SLC35D4: variants seen among roughly 807,000 people sequenced by gnomAD.
SLC35D4 encodes UDP-N-acetylglucosamine transporter SLC35D4.
At chr18:23,286,421 C>T in the SLC35D4 span, among the ~76,000 whole-genome samples, 2 of 152,244 alleles carry the variant, frequency 1.3e-5, no homozygotes, top group Admixed American at 6.5e-5. Flanking sequence ...GGATGGAAAT[C>T]GGACTCTTCA....
At chr18:23,323,204 T>C in the SLC35D4 span, among the ~76,000 whole-genome samples, 2 of 152,238 alleles carry the variant, frequency 1.3e-5, no homozygotes, top group Non-Finnish European at 2.9e-5. Context: ...AGCACCATAA[T>C]TATGCTTACT....
At chr18:23,246,586 T>C in the SLC35D4 span, among the ~76,000 whole-genome samples, 1 of 151,250 alleles carries the variant, frequency 6.6e-6, no homozygotes, top group Non-Finnish European at 1.5e-5. Context: ...AGAGATGGGG[T>C]TTCACCGTGT....
the SLC35D4 span, among the ~76,000 whole-genome samples, chr18:23,270,483 T>G: frequency 1.3e-5 from 2 of 152,156 alleles, no homozygotes; most frequent in African/African-American, 4.8e-5. Context: ...CACCGCCTAG[T>G]GGAACCATGA....
At chr18:23,431,153 C>CAAAAAAAAAAA in the SLC35D4 span, among the ~76,000 whole-genome samples, 11 of 66,234 alleles carry the variant, frequency 1.7e-4, no homozygotes, top group Non-Finnish European at 2.7e-4. Flanking sequence ...GAGTATATCT[C>CAAAAAAAAAAA]AAAAAAAAAA....
At chr18:23,315,306 C>T in the SLC35D4 span, among the ~76,000 whole-genome samples, 3 of 152,212 alleles carry the variant, frequency 2.0e-5, no homozygotes, top group South Asian at 2.1e-4. Flanking sequence ...CCGATATAGC[C>T]GACATAATTC....
chr18:23,422,738 G>C, the SLC35D4 span, among the ~76,000 whole-genome samples: 1 of 152,076 alleles, frequency 6.6e-6, no homozygotes, highest in Non-Finnish European at 1.5e-5. Flanking sequence ...CAACACATTC[G>C]GGGTCATGAA....
chr18:23,323,837 G>C, the SLC35D4 span, among the ~76,000 whole-genome samples: 1 of 152,088 alleles, frequency 6.6e-6, no homozygotes, highest in Non-Finnish European at 1.5e-5. Flanking sequence ...CCAGTACTTT[G>C]GGAGGCCGAG....
chr18:23,298,644 A>G, the SLC35D4 span, among the ~76,000 whole-genome samples: 1 of 152,236 alleles, frequency 6.6e-6, no homozygotes, highest in East Asian at 1.9e-4. Flanking sequence ...GAAGAGCTGA[A>G]TATTTTAACA....
chr18:23,339,720 C>T, the SLC35D4 span, among the ~76,000 whole-genome samples: 2 of 152,176 alleles, frequency 1.3e-5, no homozygotes, highest in African/African-American at 4.8e-5. Flanking sequence ...ACAGCCCCTG[C>T]AGATTCCGTG....
At chr18:23,328,011 T>C in the SLC35D4 span, among the ~76,000 whole-genome samples, 1 of 152,206 alleles carries the variant, frequency 6.6e-6, no homozygotes, top group African/African-American at 2.4e-5. Context: ...CAACGCTTCA[T>C]GCTAAAAACT....
chr18:23,321,616 A>C, the SLC35D4 span, among the ~76,000 whole-genome samples: 6 of 152,056 alleles, frequency 3.9e-5, no homozygotes, highest in African/African-American at 1.4e-4. Context: ...CACCACACCC[A>C]GCTAATTTTT....
At chr18:23,417,500 G>A in the SLC35D4 span, among the ~76,000 whole-genome samples, 1 of 152,100 alleles carries the variant, frequency 6.6e-6, no homozygotes, top group Non-Finnish European at 1.5e-5. Context: ...GCAGAACAGG[G>A]GTTACTAGGA....
the SLC35D4 span, among the ~76,000 whole-genome samples, chr18:23,367,183 A>C: frequency 6.6e-6 from 1 of 152,198 alleles, no homozygotes; most frequent in Non-Finnish European, 1.5e-5. Flanking sequence ...CAAATAAAAT[A>C]TTAGGGGATG....
chr18:23,431,186 AAAAG>A, the SLC35D4 span, among the ~76,000 whole-genome samples: 2 of 151,762 alleles, frequency 1.3e-5, no homozygotes, highest in African/African-American at 4.8e-5. Flanking sequence ...AAAGTAAAGA[AAAAG>A]AAAAGAAAAA....
At chr18:23,246,593 G>GTT in the SLC35D4 span, among the ~76,000 whole-genome samples, 1 of 150,950 alleles carries the variant, frequency 6.6e-6, no homozygotes, top group Non-Finnish European at 1.5e-5. Context: ...GGGTTTCACC[G>GTT]TGTTAGCCAG....
chr18:23,423,763 G>C, the SLC35D4 span, among the ~76,000 whole-genome samples: 308 of 152,322 alleles, frequency 2.0e-3, no homozygotes, highest in Non-Finnish European at 3.6e-3. Context: ...CCCAAAGTGT[G>C]TTCAAAGCAG....
chr18:23,425,736 A>G, the SLC35D4 span, among the ~76,000 whole-genome samples: 1 of 152,350 alleles, frequency 6.6e-6, no homozygotes, highest in East Asian at 1.9e-4. Flanking sequence ...AAACAATTGT[A>G]AGTCCAACCG....
At chr18:23,395,728 A>G in the SLC35D4 span, among the ~76,000 whole-genome samples, 1 of 152,224 alleles carries the variant, frequency 6.6e-6, no homozygotes, top group Admixed American at 6.5e-5. Context: ...CCAGGAAATT[A>G]TAAGAAGAGT....
chr18:23,245,632 C>T, the SLC35D4 span, among the ~76,000 whole-genome samples: 2 of 152,226 alleles, frequency 1.3e-5, no homozygotes, highest in Non-Finnish European at 2.9e-5. Flanking sequence ...TCTACTCCCA[C>T]TCTAGCCCTT....
Sources: allele counts gnomAD v4.1 joint callset (sites outside exome capture counted in the v4.1 genomes callset), GRCh38; gene constraint gnomAD v4.1.1; transcripts MANE v1.5; gene names NCBI Gene and HGNC (gene_info 2026-07-23, HGNC 2026-07-21).